Variants in BRD10 observed in about 807,000 individuals in gnomAD.
BRD10 encodes the protein uncharacterized bromodomain-containing protein 10.
chr9:5,923,979 G>T, the BRD10 span, among the ~76,000 whole-genome samples: 1 of 152,108 alleles, frequency 6.6e-6, no homozygotes, highest in Non-Finnish European at 1.5e-5. Context: ...ATGAATTACA[G>T]GTAATCTAAT....
At chr9:5,995,559 T>C in the BRD10 span, among the ~76,000 whole-genome samples, 1 of 152,270 alleles carries the variant, frequency 6.6e-6, no homozygotes, top group African/African-American at 2.4e-5. Context: ...TTCATTCACA[T>C]CTCAATCTAT....
the BRD10 span, among the ~76,000 whole-genome samples, chr9:5,879,693 AG>A: frequency 5.3e-5 from 8 of 152,184 alleles, no homozygotes; most frequent in Non-Finnish European, 7.3e-5. Flanking sequence ...AAATGAGCTC[AG>A]GGATGACTCA....
chr9:5,967,743 G>C, the BRD10 span, among the ~76,000 whole-genome samples: 15 of 145,816 alleles, frequency 1.0e-4, no homozygotes, highest in South Asian at 8.9e-4. Flanking sequence ...GAAAGAAATT[G>C]GTCCAGAGAA....
chr9:5,886,199 G>T, the BRD10 span, among the ~76,000 whole-genome samples: 36 of 152,198 alleles, frequency 2.4e-4, no homozygotes, highest in Non-Finnish European at 3.8e-4. Context: ...AGAGGATTCT[G>T]GCTCCTGAGC....
chr9:5,905,720 C>T, the BRD10 span, among the ~76,000 whole-genome samples: 3 of 152,190 alleles, frequency 2.0e-5, no homozygotes, highest in Non-Finnish European at 2.9e-5. Flanking sequence ...CATGTCCTGC[C>T]TTTTCAGGCT....
At chr9:5,953,001 A>G in the BRD10 span, among the ~76,000 whole-genome samples, 1 of 152,302 alleles carries the variant, frequency 6.6e-6, no homozygotes, top group South Asian at 2.1e-4. Flanking sequence ...CTAAGAGAAA[A>G]ACATGTCTAT....
chr9:5,933,970 C>T, the BRD10 span: 1 of 377,368 alleles, frequency 2.6e-6, no homozygotes, highest in Non-Finnish European at 5.4e-6. Context: ...AATTTAGATA[C>T]TTTGTACATT....
the BRD10 span, chr9:5,892,503 A>G: frequency 1.9e-6 from 3 of 1,613,870 alleles, no homozygotes; most frequent in South Asian, 1.1e-5. Flanking sequence ...CACTTCATCT[A>G]TGGTTACCCC....
the BRD10 span, chr9:5,906,752 C>T: frequency 3.4e-5 from 19 of 555,814 alleles, no homozygotes; most frequent in African/African-American, 3.7e-4. Context: ...AGTGATGAGA[C>T]TGAAGGCACA....
At chr9:5,937,608 A>G in the BRD10 span, among the ~76,000 whole-genome samples, 1 of 152,076 alleles carries the variant, frequency 6.6e-6, no homozygotes, top group Non-Finnish European at 1.5e-5. Context: ...ACTTAGGTCA[A>G]CTCCTCTGAA....
At chr9:5,968,595 C>A in the BRD10 span, 1 of 1,613,900 alleles carries the variant, frequency 6.2e-7, no homozygotes. Context: ...GGACAGCAAG[C>A]TGGATCAAAA....
At chr9:5,992,841 A>G in the BRD10 span, among the ~76,000 whole-genome samples, 1 of 152,164 alleles carries the variant, frequency 6.6e-6, no homozygotes, top group African/African-American at 2.4e-5. Context: ...AAGTGAATTG[A>G]TATTAAGCTT....
chr9:5,996,383 A>G, the BRD10 span, among the ~76,000 whole-genome samples: 1 of 152,106 alleles, frequency 6.6e-6, no homozygotes, highest in African/African-American at 2.4e-5. Context: ...CAATGGCACA[A>G]TCTCAGCTCA....
chr9:5,968,254 A>T, the BRD10 span: 1 of 1,612,644 alleles, frequency 6.2e-7, no homozygotes, highest in East Asian at 2.2e-5. Context: ...TATCCCTTAC[A>T]ACTTTGTGGC....
chr9:5,957,685 G>A, the BRD10 span, among the ~76,000 whole-genome samples: 1 of 152,136 alleles, frequency 6.6e-6, no homozygotes, highest in East Asian at 1.9e-4. Flanking sequence ...AGGGTTGGAT[G>A]ATTTGTACAT....
the BRD10 span, among the ~76,000 whole-genome samples, chr9:5,972,414 T>C: frequency 5.9e-5 from 9 of 152,328 alleles, no homozygotes; most frequent in Admixed American, 3.3e-4. Context: ...CTCCTTGATA[T>C]AGTTTGGATA....
chr9:5,982,047 A>ATGTG, the BRD10 span, among the ~76,000 whole-genome samples: 1 of 145,076 alleles, frequency 6.9e-6, no homozygotes, highest in Non-Finnish European at 1.5e-5. Flanking sequence ...GTATGTATGT[A>ATGTG]TGTGTGTGTA....
At chr9:5,998,205 C>A in the BRD10 span, among the ~76,000 whole-genome samples, 2 of 152,032 alleles carry the variant, frequency 1.3e-5, no homozygotes. Context: ...GTAGGATTGG[C>A]CTCTTAACAG....
chr9:5,921,400 A>C, the BRD10 span: 3 of 1,613,826 alleles, frequency 1.9e-6, no homozygotes, highest in African/African-American at 4.0e-5. Flanking sequence ...GCAATGGAGG[A>C]GGAAGAGTTT....
Sources: gnomAD v4.1 joint callset for allele counts (sites outside exome capture counted in the v4.1 genomes callset) on GRCh38, gnomAD v4.1.1 for gene constraint, MANE v1.5 for transcripts, NCBI Gene and HGNC (gene_info 2026-07-23, HGNC 2026-07-21) for gene names.